The following SYN2 variants were observed in gnomAD, a reference collection of about 807,000 sequenced individuals.
The protein encoded by SYN2 is synapsin II.
Under a neutral mutation model 50.9 loss-of-function variants are expected in SYN2, and 19 were observed. That is an observed-to-expected ratio of 0.37 (90% CI 0.26 to 0.55). The LOEUF is 0.55. SYN2 is among the 20% of genes least tolerant of loss of function. SYN2 has a pLI of 0.81. For synonymous variants in SYN2, 255 were observed against 224.9 expected, an observed-to-expected ratio of 1.13 and a Z score of -1.20; for missense variants, 587 against 576.4, an observed-to-expected ratio of 1.02 and a Z score of -0.19.
intron 1 of SYN2, among the ~76,000 whole-genome samples, chr3:12,079,925 C>G (rs753314908): frequency 6.6e-6 from 1 of 152,078 alleles, no homozygotes; most frequent in Non-Finnish European, 1.5e-5. Flanking sequence ...GTATATCCGT[C>G]TGGTCCTGGG....
At chr3:12,156,648 A>G (rs1697465279) in intron 5 of SYN2, among the ~76,000 whole-genome samples, 1 of 152,204 alleles carries the variant, frequency 6.6e-6, no homozygotes, top group African/African-American at 2.4e-5. Flanking sequence ...GGGAGGTTAC[A>G]AGGCTCCTCC....
At chr3:12,117,411 A>G (rs961801972) in intron 1 of SYN2, among the ~76,000 whole-genome samples, 1 of 152,204 alleles carries the variant, frequency 6.6e-6, no homozygotes, top group African/African-American at 2.4e-5. Context: ...TTAGTCCCTA[A>G]TTGTACCTTA....
At chr3:12,092,687 A>G (rs1293137937) in intron 1 of SYN2, among the ~76,000 whole-genome samples, 1 of 152,192 alleles carries the variant, frequency 6.6e-6, no homozygotes, top group East Asian at 1.9e-4. Context: ...CCTGGGGGTC[A>G]AAGACTGTGT....
chr3:12,117,798 G>A (rs1696465425), intron 1 of SYN2, among the ~76,000 whole-genome samples: 1 of 152,208 alleles, frequency 6.6e-6, no homozygotes, highest in African/African-American at 2.4e-5. Flanking sequence ...GAAGTTGGCA[G>A]CATCTTCCCC....
intron 11 of SYN2, among the ~76,000 whole-genome samples, chr3:12,185,936 T>C (rs1184947602): frequency 6.6e-6 from 1 of 152,236 alleles, no homozygotes; most frequent in Non-Finnish European, 1.5e-5. Flanking sequence ...TTATTTGATT[T>C]GAATTTGGAG....
In SYN2 at chr3:12,092,169, C is replaced by CT. The variant is rs537871561; in HGVS notation, c.378-48475dup. On this transcript the variant is annotated intron_variant, in intron 1 of 12. Transcript: ENST00000621198. Reference sequence around the variant, plus strand: ...TATCAGAGGATACTTGGAATCTGAACTTTTTTTAGACTGTATGTGAGGAAA... The same window carrying CT: ...TATCAGAGGATACTTGGAATCTGAACTTTTTTTTAGACTGTATGTGAGGAAA... Among the ~76,000 whole-genome samples the CT allele has an allele frequency of 3.1e-3, 474 of 152,208 alleles. 1 individual carries two copies. The highest frequency in any genetic ancestry group is 0.011 in the African/African-American group (451 of 41,504).
intron 1 of SYN2, among the ~76,000 whole-genome samples, chr3:12,025,726 A>T (rs117061493): frequency 6.6e-6 from 1 of 151,980 alleles, no homozygotes; most frequent in East Asian, 1.9e-4. Context: ...TCCCCTTCTG[A>T]TACATAGTGC....
chr3:12,096,482 A>G (rs1483912203), intron 1 of SYN2, among the ~76,000 whole-genome samples: 4 of 152,192 alleles, frequency 2.6e-5, no homozygotes, highest in East Asian at 1.9e-4. Flanking sequence ...CACAAAGTTA[A>G]ATGAGAATAA....
At chr3:12,105,941 AC>A (rs1468302327) in intron 1 of SYN2, among the ~76,000 whole-genome samples, 1 of 152,082 alleles carries the variant, frequency 6.6e-6, no homozygotes, top group Non-Finnish European at 1.5e-5. Context: ...ACATAACAAC[AC>A]CTATTTATTA....
intron 1 of SYN2, among the ~76,000 whole-genome samples, chr3:12,091,104 A>G (rs753439365): frequency 3.3e-5 from 5 of 152,182 alleles, no homozygotes; most frequent in Non-Finnish European, 7.3e-5. Context: ...GATCAACACT[A>G]AACTGTTTAT....
chr3:12,158,165 G>T (rs148379323), intron 5 of SYN2, among the ~76,000 whole-genome samples: 1 of 152,198 alleles, frequency 6.6e-6, no homozygotes, highest in Non-Finnish European at 1.5e-5. Flanking sequence ...GAGCCCGGGA[G>T]CCTGCAGAGA....
chr3:12,188,302 G>A (rs546968569), intron 12 of SYN2, among the ~76,000 whole-genome samples: 1 of 152,358 alleles, frequency 6.6e-6, no homozygotes, highest in Admixed American at 6.5e-5. Flanking sequence ...AAGCAGCAGA[G>A]CTGTCTTTGG....
intron 1 of SYN2, among the ~76,000 whole-genome samples, chr3:12,027,927 A>G (rs1162022886): frequency 2.7e-5 from 4 of 149,586 alleles, no homozygotes; most frequent in African/African-American, 9.8e-5. Flanking sequence ...TGACTTACAT[A>G]GAGGAAAGAG....
intron 7 of SYN2, among the ~76,000 whole-genome samples, chr3:12,164,113 C>A (rs1298919626): frequency 6.6e-6 from 1 of 152,056 alleles, no homozygotes; most frequent in East Asian, 1.9e-4. Context: ...AATTTAAAAA[C>A]CATTATAAAA....
At chr3:12,160,615 G>A (rs1457402199) in intron 5 of SYN2, among the ~76,000 whole-genome samples, 1 of 152,206 alleles carries the variant, frequency 6.6e-6, no homozygotes, top group Non-Finnish European at 1.5e-5. Context: ...AGAGGCTGAT[G>A]TACTATTTGA....
At chr3:12,008,852 A>C (rs964154768) in intron 1 of SYN2, among the ~76,000 whole-genome samples, 3 of 152,242 alleles carry the variant, frequency 2.0e-5, no homozygotes, top group African/African-American at 7.2e-5. Flanking sequence ...CAGTCCAGAC[A>C]GTGGATAGCA....
chr3:12,095,769 A>T (rs1465428346), intron 1 of SYN2, among the ~76,000 whole-genome samples: 1 of 151,094 alleles, frequency 6.6e-6, no homozygotes, highest in Non-Finnish European at 1.5e-5. Flanking sequence ...TCAGGGCTCA[A>T]AACAGAGCCC....
chr3:12,143,342 T>C (rs1697071545), intron 3 of SYN2, among the ~76,000 whole-genome samples: 3 of 152,198 alleles, frequency 2.0e-5, no homozygotes, highest in African/African-American at 7.2e-5. Context: ...ACGAATTATG[T>C]ACATTATGTA....
At chr3:12,019,525 T>C (rs1415149480) in intron 1 of SYN2, among the ~76,000 whole-genome samples, 1 of 152,198 alleles carries the variant, frequency 6.6e-6, no homozygotes, top group Non-Finnish European at 1.5e-5. Context: ...AAAAGTCTAC[T>C]CTTTGAAAGA....
Sources: gnomAD v4.1 joint callset for allele counts (sites outside exome capture counted in the v4.1 genomes callset) on GRCh38, gnomAD v4.1.1 for gene constraint, MANE v1.5 for transcripts, NCBI Gene and HGNC (gene_info 2026-07-23, HGNC 2026-07-21) for gene names.